PCBP3: variants seen among roughly 807,000 people sequenced by gnomAD.
PCBP3 encodes the protein poly(rC) binding protein 3.
Under a neutral mutation model 52.7 loss-of-function variants are expected in PCBP3, and 25 were observed. That is an observed-to-expected ratio of 0.47 (90% CI 0.35 to 0.66). The LOEUF is 0.66. Ranked by LOEUF, PCBP3 falls within the 30% of genes least tolerant of loss-of-function variation. PCBP3 has a pLI of 0.01. For missense variants in PCBP3, 391 were observed against 490.3 expected, an observed-to-expected ratio of 0.80 and a Z score of 1.91; for synonymous variants, 162 against 183.0, an observed-to-expected ratio of 0.89 and a Z score of 0.93.
intron 11 of PCBP3, 127 bp downstream of exon 11, chr21:45,911,157 AC>A: frequency 1.0e-5 from 11 of 1,100,006 alleles, no homozygotes; most frequent in Non-Finnish European, 1.5e-5. Context: ...GGGGCTCCTG[AC>A]CCCAAGTCAG....
chr21:45,930,038 G>T, intron 14 of PCBP3, 43 bp downstream of exon 14: 1 of 1,391,104 alleles, frequency 7.2e-7, no homozygotes, highest in Non-Finnish European at 1.0e-6. Context: ...CTTCTCACCT[G>T]GGGACTTTCT....
intron 10 of PCBP3, among the ~76,000 whole-genome samples, chr21:45,910,235 G>C (rs1309016979): frequency 4.0e-5 from 4 of 100,630 alleles, no homozygotes; most frequent in African/African-American, 1.5e-4. Context: ...CCAAATATGG[G>C]CCCTTTCCAC....
intron 13 of PCBP3, among the ~76,000 whole-genome samples, chr21:45,924,270 A>G (rs1215919117): frequency 6.8e-5 from 10 of 146,832 alleles, no homozygotes; most frequent in East Asian, 4.2e-4. Flanking sequence ...CACACGTAAG[A>G]TCGGGTGTGC....
intron 4 of PCBP3, among the ~76,000 whole-genome samples, chr21:45,771,537 A>G (rs2089864776): frequency 6.6e-6 from 1 of 152,252 alleles, no homozygotes; most frequent in Non-Finnish European, 1.5e-5. Flanking sequence ...TAGAATATGC[A>G]GTGAGATCAT....
At chr21:45,849,905 T>G in intron 4 of PCBP3, 56 bp from the exon 5 acceptor site, 1 of 628,358 alleles carries the variant, frequency 1.6e-6, no homozygotes, top group South Asian at 1.9e-5. Context: ...AGCCCAGTGC[T>G]GGCGGAGAGG....
intron 2 of PCBP3, among the ~76,000 whole-genome samples, chr21:45,669,639 A>G (rs879824446): frequency 6.6e-6 from 1 of 151,722 alleles, no homozygotes; most frequent in African/African-American, 2.4e-5. Flanking sequence ...TATGAATTTG[A>G]CTACTATAGA....
intron 13 of PCBP3, among the ~76,000 whole-genome samples, chr21:45,927,307 CCCCT>C (rs2075574042): frequency 6.4e-5 from 2 of 31,330 alleles, no homozygotes; most frequent in African/African-American, 1.7e-4. Context: ...TCCCTCCCCT[CCCCT>C]TCCTCCCTCT....
At position 45,788,839 on chromosome 21, in the gene PCBP3, T is replaced by C. The variant is rs2091335550; in HGVS notation, c.-126+33387T>C. The C allele has an allele frequency of 6.6e-6, 1 of 152,266 alleles. No homozygotes were observed. Among genetic ancestry groups the C allele is most frequent in the Non-Finnish European group, 1.5e-5 (1 of 68,050 alleles). 9.4% of individuals were successfully genotyped at this position (152,266 alleles called of 1,614,324 possible). On this transcript the variant is annotated intron_variant, in intron 4 of 17. Transcript: ENST00000681687. The surrounding 1 kb of genome is among the most constrained non-coding windows in gnomAD (Gnocchi z 4.3). ...ACTTTTCATCTATGCAGAATGTTAA[T>C]GACTCACCAGTCACAGGGCAGTTCT...
intron 7 of PCBP3, 25 bp from the exon 8 acceptor site, chr21:45,900,566 C>A: frequency 6.3e-7 from 1 of 1,582,448 alleles, no homozygotes; most frequent in South Asian, 1.1e-5. Context: ...ATACCTTTTC[C>A]TTATTGTCTA....
intron 2 of PCBP3, among the ~76,000 whole-genome samples, chr21:45,721,922 C>G (rs1233064153): frequency 6.6e-6 from 1 of 152,198 alleles, no homozygotes; most frequent in Non-Finnish European, 1.5e-5. Flanking sequence ...TGTAGGGAAG[C>G]AAGCTTCTGG....
At chr21:45,759,978 G>T (rs545180238) in intron 4 of PCBP3, 1 of 152,154 alleles carries the variant, frequency 6.6e-6, no homozygotes, top group Non-Finnish European at 1.5e-5. Flanking sequence ...AATATCTAAC[G>T]TGCTGAGAGA....
intron 4 of PCBP3, among the ~76,000 whole-genome samples, chr21:45,785,513 G>C (rs1277941049): frequency 6.7e-6 from 1 of 149,688 alleles, no homozygotes. Flanking sequence ...GGGAGGGGGG[G>C]GGGTCAGCCC....
Position 45,904,353 on chromosome 21 carries a change from CTG to C in PCBP3, c.339+3243_339+3244del, listed in dbSNP as rs2096146060. On this transcript the variant is annotated intron_variant, in intron 9 of 17. Coordinates refer to ENST00000681687, the MANE Select transcript of PCBP3 (RefSeq NM_001384156.1). This position sits in a 1 kb window ranked among gnomAD's most constrained non-coding sequence, Gnocchi z 4.8. ...TTGGTCCTTCGGTTTTTCCAGAAGACTGTGGATGCTCAGGAAGCTCGAGGGAT... is the reference window on the plus strand; with the variant it reads ...TTGGTCCTTCGGTTTTTCCAGAAGACTGGATGCTCAGGAAGCTCGAGGGAT... Among the ~76,000 whole-genome samples the C allele has an allele frequency of 6.6e-6, 1 of 152,012 alleles. No individual in the cohort carries two copies. The highest frequency in any genetic ancestry group is 2.4e-5 in the African/African-American group (1 of 41,350).
chr21:45,695,588 C>T (rs1413860903), intron 2 of PCBP3, among the ~76,000 whole-genome samples: 1 of 152,142 alleles, frequency 6.6e-6, no homozygotes, highest in Non-Finnish European at 1.5e-5. Flanking sequence ...CTGGCTTTTA[C>T]ATTTGTTATT....
At chr21:45,862,838 A>G (rs113805809) in intron 5 of PCBP3, among the ~76,000 whole-genome samples, 19 of 152,242 alleles carry the variant, frequency 1.2e-4, no homozygotes, top group African/African-American at 4.6e-4. Flanking sequence ...TTTTCCCATT[A>G]CCGCCCCTGA....
chr21:45,855,455 A>G (rs2094244064), intron 5 of PCBP3, among the ~76,000 whole-genome samples: 1 of 151,660 alleles, frequency 6.6e-6, no homozygotes, highest in African/African-American at 2.4e-5. Context: ...CCCACACCCC[A>G]CCAGCACAGA....
chr21:45,799,773 T>C (rs1177631650), intron 4 of PCBP3, among the ~76,000 whole-genome samples: 1 of 152,220 alleles, frequency 6.6e-6, no homozygotes, highest in Non-Finnish European at 1.5e-5. Context: ...GGCTTTGTTT[T>C]AGTTTCTCAA....
chr21:45,903,459 C>T (rs1160016439), intron 9 of PCBP3, among the ~76,000 whole-genome samples: 2 of 152,026 alleles, frequency 1.3e-5, no homozygotes, highest in African/African-American at 4.8e-5. Flanking sequence ...TGTCATTCCC[C>T]AGGGTCCCAT....
intron 4 of PCBP3, among the ~76,000 whole-genome samples, chr21:45,833,676 T>G (rs1355456948): frequency 6.6e-6 from 1 of 152,070 alleles, no homozygotes; most frequent in East Asian, 1.9e-4. Flanking sequence ...TATGCGCCCA[T>G]GAATGTGAGT....
Sources: allele counts gnomAD v4.1 joint callset (sites outside exome capture counted in the v4.1 genomes callset), GRCh38; gene constraint gnomAD v4.1.1; non-coding constraint Gnocchi (gnomAD v3.1); transcripts MANE v1.5; gene names NCBI Gene and HGNC (gene_info 2026-07-23, HGNC 2026-07-21).